CDK6: variants seen among roughly 807,000 people sequenced by gnomAD.
The protein encoded by CDK6 is cyclin dependent kinase 6.
A neutral mutation model predicts 37.1 loss-of-function variants in CDK6; 6 were observed. The observed-to-expected ratio is 0.16, with a 90% confidence interval of 0.09 to 0.32. CDK6 has a LOEUF of 0.32. Among genes scored for constraint, CDK6 ranks in the 10% least tolerant of loss-of-function variants. The pLI is 1.00. For synonymous variants in CDK6, 160 were observed against 161.3 expected (o/e 0.99, Z 0.06); for missense variants, 224 against 418.9 (o/e 0.53, Z 4.06).
At chr7:92,635,317 C>T (rs899885042) in intron 5 of CDK6, among the ~76,000 whole-genome samples, 1 of 152,140 alleles carries the variant, frequency 6.6e-6, no homozygotes, top group Non-Finnish European at 1.5e-5. Context: ...GGGAGAAGCA[C>T]TTTACCACAT....
intron 3 of CDK6, among the ~76,000 whole-genome samples, chr7:92,768,228 A>G (rs1220482637): frequency 6.6e-6 from 1 of 152,088 alleles, no homozygotes; most frequent in Non-Finnish European, 1.5e-5. Flanking sequence ...TAGAAAACAC[A>G]GGGTCTTGAG....
chr7:92,719,402 T>C (rs1329486075), intron 4 of CDK6, among the ~76,000 whole-genome samples: 1 of 152,260 alleles, frequency 6.6e-6, no homozygotes. Context: ...TTTTGTACTT[T>C]GTACAGCTGT....
At chr7:92,703,908 C>T (rs1797910295) in intron 4 of CDK6, among the ~76,000 whole-genome samples, 1 of 152,280 alleles carries the variant, frequency 6.6e-6, no homozygotes, top group South Asian at 2.1e-4. Flanking sequence ...CACAGAGGGG[C>T]CTCAGACTAC....
At chr7:92,735,106 TA>T (rs538001726) in intron 3 of CDK6, among the ~76,000 whole-genome samples, 124 of 152,330 alleles carry the variant, frequency 8.1e-4, no homozygotes, top group Non-Finnish European at 1.4e-3. Context: ...CCCCTAATAC[TA>T]CTTTAATTTC....
At chr7:92,790,448 C>T (rs995713326) in intron 2 of CDK6, among the ~76,000 whole-genome samples, 6 of 152,044 alleles carry the variant, frequency 3.9e-5, no homozygotes, top group Non-Finnish European at 8.8e-5. Flanking sequence ...AAAATCTGAT[C>T]GATAGCATTG....
intron 4 of CDK6, 134 bp downstream of exon 4, chr7:92,725,492 T>C (rs1798489953): frequency 9.0e-6 from 10 of 1,112,160 alleles, no homozygotes; most frequent in South Asian, 1.8e-5. Context: ...CACTGCCATA[T>C]AAAAATGGGC....
rs1194829288 is a variant in CDK6 at position 92,835,159 on chromosome 7, T to G, written c.-368+1319A>C. On this transcript the variant is annotated intron_variant, in intron 1 of 7. Transcript: ENST00000424848. This position sits in a 1 kb window ranked among gnomAD's most constrained non-coding sequence, Gnocchi z 4.2. ...GCACTCACTACATTCAGAACTTTCCTTAAAAGCCGAGGAAAGAGCCCCCAG... is the reference window on the plus strand; with the variant it reads ...GCACTCACTACATTCAGAACTTTCCGTAAAAGCCGAGGAAAGAGCCCCCAG... 1 of 152,068 alleles carries G rather than the reference T, an allele frequency of 6.6e-6. No individual in the cohort carries two copies. The highest frequency in any genetic ancestry group is 6.5e-5 in the Admixed American group (1 of 15,272). The allele number at this position is 152,068 out of a possible 1,614,324, so 9.4% of individuals were successfully genotyped here.
intron 3 of CDK6, among the ~76,000 whole-genome samples, chr7:92,742,752 C>T (rs1016505103): frequency 6.6e-6 from 1 of 151,866 alleles, no homozygotes; most frequent in East Asian, 1.9e-4. Flanking sequence ...TACACACACA[C>T]ACACACACCC....
chr7:92,815,995 A>G lies in CDK6; in HGVS notation c.233+17096T>C, dbSNP rs1298459359. 2.0e-5 allele frequency among the ~76,000 whole-genome samples: 3 copies of G among 152,290 alleles called. No individual in the cohort carries two copies. In the East Asian group the frequency reaches 5.8e-4, roughly 29 times the overall value. ...TAGCCTGGAAGCAAAGCCTACATAC[A>G]CTAGATCCTCTCCCCAACAACAAAA... On this transcript the variant is annotated intron_variant, in intron 2 of 7. Transcript: ENST00000424848.
chr7:92,695,750 C>T (rs1442089607), intron 4 of CDK6, among the ~76,000 whole-genome samples: 1 of 152,206 alleles, frequency 6.6e-6, no homozygotes, highest in Non-Finnish European at 1.5e-5. Flanking sequence ...TGTTTACAAT[C>T]CCCTGGGTGG....
In CDK6 at chr7:92,823,443, T is replaced by TA. The variant is rs34132527; in HGVS notation, c.233+9647dup. ...CACTCTTCTTTTGAGTCTTAATATG[T>TA]AAAAAAAAAAAAAAAAAAAAAAAAA... On this transcript the variant is annotated intron_variant, in intron 2 of 7. Transcript: ENST00000424848. 4.0e-3 allele frequency among the ~76,000 whole-genome samples: 301 copies of TA among 74,882 alleles called. 5 individuals are homozygous for TA. The highest frequency in any genetic ancestry group is 5.9e-3 in the Non-Finnish European group (227 of 38,440). The allele number at this position is 74,882 out of a possible 152,430, so 49.1% of individuals were successfully genotyped here.
chr7:92,777,558 T>G (rs1056573397), intron 2 of CDK6, among the ~76,000 whole-genome samples: 1 of 152,228 alleles, frequency 6.6e-6, no homozygotes, highest in African/African-American at 2.4e-5. Flanking sequence ...GTGGCATTAT[T>G]TCTGAGGCCT....
At chr7:92,738,807 CCT>C (rs987413556) in intron 3 of CDK6, among the ~76,000 whole-genome samples, 1 of 134,326 alleles carries the variant, frequency 7.4e-6, no homozygotes, top group African/African-American at 3.3e-5. Context: ...TAGGGATACC[CCT>C]GTCTAAAATG....
At position 92,605,625 on chromosome 7, in the gene CDK6, A is replaced by C. The variant is rs779535626; in HGVS notation, c.*9515T>G. On this transcript the variant is annotated 3_prime_UTR_variant, in exon 8 of 8. Transcript: ENST00000424848. ...GGAGCAAGAGCATTCAGCTCAGAGC[A>C]TTCTGAAGACAGTAGCCTTAGAGAT... 13 of 233,152 alleles carry C rather than the reference A, an allele frequency of 5.6e-5. No homozygotes were observed. Among genetic ancestry groups the C allele is most frequent in the Non-Finnish European group, 5.1e-5 (6 of 118,014 alleles). 14.4% of individuals were successfully genotyped at this position (233,152 alleles called of 1,614,324 possible). A position where few individuals can be genotyped will look rare whatever the true frequency, so the allele number is the denominator to read the frequency against.
At chr7:92,771,289 CA>C (rs199783615) in intron 3 of CDK6, among the ~76,000 whole-genome samples, 9,339 of 101,156 alleles carry the variant, frequency 0.092, 335 homozygotes, top group Middle Eastern at 0.21. Flanking sequence ...GACTCCGTCT[CA>C]AAAAAAAAAA....
chr7:92,830,953 A>T (rs1418077039), intron 2 of CDK6, among the ~76,000 whole-genome samples: 2 of 152,238 alleles, frequency 1.3e-5, no homozygotes, highest in Admixed American at 1.3e-4. Flanking sequence ...CCATGGCAAG[A>T]GACCATCAAT....
At chr7:92,673,163 G>A (rs1003414277) in intron 4 of CDK6, among the ~76,000 whole-genome samples, 13 of 152,188 alleles carry the variant, frequency 8.5e-5, no homozygotes, top group African/African-American at 2.7e-4. Flanking sequence ...GCCTGCGAAT[G>A]AGCCATCTTG....
At chr7:92,672,045 C>G (rs1797082224) in intron 4 of CDK6, among the ~76,000 whole-genome samples, 1 of 148,922 alleles carries the variant, frequency 6.7e-6, no homozygotes, top group African/African-American at 2.5e-5. Flanking sequence ...ATGTACACTA[C>G]CTGGGTGATG....
intron 5 of CDK6, among the ~76,000 whole-genome samples, chr7:92,630,900 G>C (rs906905659): frequency 3.9e-5 from 6 of 152,166 alleles, no homozygotes; most frequent in African/African-American, 1.2e-4. Flanking sequence ...GGGACACCTG[G>C]CAAAATGAGT....
Sources: gnomAD v4.1 joint callset for allele counts (sites outside exome capture counted in the v4.1 genomes callset) on GRCh38, gnomAD v4.1.1 for gene constraint, Gnocchi (gnomAD v3.1) non-coding constraint, MANE v1.5 for transcripts, NCBI Gene and HGNC (gene_info 2026-07-23, HGNC 2026-07-21) for gene names.